The following MVB12B variants were observed in gnomAD, a reference collection of about 807,000 sequenced individuals.
The protein encoded by MVB12B is multivesicular body subunit 12B.
Under a neutral mutation model 41.6 loss-of-function variants are expected in MVB12B, and 16 were observed. That is an observed-to-expected ratio of 0.38 (90% CI 0.26 to 0.58). The LOEUF (loss-of-function observed/expected upper bound fraction) is 0.58. Among genes scored for constraint, MVB12B ranks in the 20% least tolerant of loss-of-function variants. The probability of loss-of-function intolerance (pLI) is 0.62; values close to 1 mark genes in which losing one functional copy is unlikely to be tolerated. For missense variants in MVB12B, 274 were observed against 380.2 expected, an observed-to-expected ratio of 0.72 and a Z score of 2.32; for synonymous variants, 133 against 139.7, an observed-to-expected ratio of 0.95 and a Z score of 0.34.
At chr9:126,339,253 T>C (rs4529551) in intron 1 of MVB12B, among the ~76,000 whole-genome samples, 97,494 of 152,150 alleles carry the variant, frequency 0.64, 31,830 homozygotes, top group African/African-American at 0.74. Context: ...CTGCCTTTTC[T>C]GATTCTAGGC....
At chr9:126,432,755 T>A (rs1832362489) in intron 7 of MVB12B, among the ~76,000 whole-genome samples, 1 of 152,210 alleles carries the variant, frequency 6.6e-6, no homozygotes, top group Non-Finnish European at 1.5e-5. Flanking sequence ...TCTCTTTGAC[T>A]GCAGACATTG....
chr9:126,420,908 T>G (rs1339100860), intron 6 of MVB12B, among the ~76,000 whole-genome samples: 1 of 152,140 alleles, frequency 6.6e-6, no homozygotes. Flanking sequence ...AAAAGGCACC[T>G]AGTAATTGAC....
rs34798291 is a variant in MVB12B, at chr9:126,435,658, C to CAA, written c.757+13726_757+13727dup. 8.7e-3 allele frequency among the ~76,000 whole-genome samples: 1,082 copies of CAA among 125,024 alleles called. 17 individuals carry two copies. The highest frequency in any genetic ancestry group is 0.029 in the African/African-American group (964 of 33,288). The allele number at this position is 125,024 out of a possible 152,430, so 82.0% of individuals were successfully genotyped here. A position where few individuals can be genotyped will look rare whatever the true frequency, so the allele number is the denominator to read the frequency against. Reference sequence around the variant, plus strand: ...CCCTCCCAGAACCTCTTATTTTAGCCAAAAAAAAAAAAAAAAAGTTTCTTT... The same window carrying CAA: ...CCCTCCCAGAACCTCTTATTTTAGCCAAAAAAAAAAAAAAAAAAAGTTTCTTT... On this transcript the variant is annotated intron_variant, in intron 7 of 9. Coordinates refer to ENST00000361171, the MANE Select transcript of MVB12B (RefSeq NM_033446.3).
intron 7 of MVB12B, among the ~76,000 whole-genome samples, chr9:126,432,970 G>A (rs932965831): frequency 6.6e-6 from 1 of 152,118 alleles, no homozygotes; most frequent in African/African-American, 2.4e-5. Flanking sequence ...ATCAGAGTGA[G>A]GCCTTTGACA....
intron 7 of MVB12B, among the ~76,000 whole-genome samples, chr9:126,449,224 C>T (rs916866195): frequency 3.9e-5 from 6 of 152,178 alleles, no homozygotes; most frequent in African/African-American, 1.2e-4. Context: ...GCACACGGGG[C>T]CCCCACACAC....
At chr9:126,359,547 TTAAA>T (rs1200374040) in intron 2 of MVB12B, among the ~76,000 whole-genome samples, 6 of 152,192 alleles carry the variant, frequency 3.9e-5, no homozygotes, top group African/African-American at 1.4e-4. Flanking sequence ...GGGAAGGTTT[TTAAA>T]CAACAGTTCA....
intron 9 of MVB12B, among the ~76,000 whole-genome samples, chr9:126,501,643 G>A (rs1833961125): frequency 6.6e-6 from 1 of 152,252 alleles, no homozygotes; most frequent in Admixed American, 6.5e-5. Flanking sequence ...GTGGTGCTGG[G>A]CTGTGACTTG....
chr9:126,475,741 C>A (rs1292149850), intron 7 of MVB12B, among the ~76,000 whole-genome samples: 1 of 152,158 alleles, frequency 6.6e-6, no homozygotes. Flanking sequence ...GTTTTCTAGG[C>A]CATGTGTGGT....
At chr9:126,497,697 C>T (rs1002224066) in intron 9 of MVB12B, among the ~76,000 whole-genome samples, 1 of 152,218 alleles carries the variant, frequency 6.6e-6, no homozygotes, top group Non-Finnish European at 1.5e-5. Flanking sequence ...TCGTGAACAG[C>T]CTTCCTCCTA....
At chr9:126,479,925 T>C (rs1833492779) in intron 7 of MVB12B, among the ~76,000 whole-genome samples, 1 of 152,198 alleles carries the variant, frequency 6.6e-6, no homozygotes, top group African/African-American at 2.4e-5. Context: ...GTTCCAGGTT[T>C]TTTCTTCTCT....
intron 6 of MVB12B, among the ~76,000 whole-genome samples, chr9:126,404,376 G>A (rs1409725737): frequency 2.0e-5 from 3 of 152,218 alleles, no homozygotes; most frequent in Non-Finnish European, 2.9e-5. Flanking sequence ...GTTAGCAAGT[G>A]TCAGGGCTAG....
intron 7 of MVB12B, among the ~76,000 whole-genome samples, chr9:126,469,564 T>C (rs1034833200): frequency 6.6e-6 from 1 of 152,240 alleles, no homozygotes; most frequent in Non-Finnish European, 1.5e-5. Context: ...TCACAGGCCA[T>C]GCCTGTCAGG....
intron 7 of MVB12B, among the ~76,000 whole-genome samples, chr9:126,435,585 T>G (rs568924512): frequency 4.6e-5 from 7 of 152,212 alleles, no homozygotes; most frequent in Middle Eastern, 3.4e-3. Context: ...CTTCTTTGCC[T>G]TTCTTTTTCT....
In MVB12B at chr9:126,473,763, C is replaced by G. The variant is rs1242068303; in HGVS notation, c.758-7606C>G. The stretch of plus-strand genomic sequence containing the variant: ...TCAGTCATCTCCCGCCGGGCCCCCT[C>G]CAATACCGGGGATTACAATTGAACA... On this transcript the variant is annotated intron_variant, in intron 7 of 9. Coordinates refer to ENST00000361171, the MANE Select transcript of MVB12B (RefSeq NM_033446.3). This position sits in a 1 kb window ranked among gnomAD's most constrained non-coding sequence, Gnocchi z 4.0. Among the ~76,000 whole-genome samples the G allele has an allele frequency of 6.6e-6, 1 of 152,242 alleles. No individual in the cohort carries two copies. The highest frequency in any genetic ancestry group is 1.5e-5 in the Non-Finnish European group (1 of 68,050).
intron 7 of MVB12B, among the ~76,000 whole-genome samples, chr9:126,428,076 G>A (rs1178904405): frequency 3.3e-5 from 5 of 152,078 alleles, no homozygotes; most frequent in East Asian, 1.9e-4. Context: ...GAAAGATGTC[G>A]GTGTGGTCAA....
In MVB12B at chr9:126,500,057, A is replaced by G. The variant is rs919006724; in HGVS notation, c.874-3120A>G. Among the ~76,000 whole-genome samples the G allele has an allele frequency of 2.6e-5, 4 of 152,116 alleles. No homozygotes were observed. The South Asian group carries it at 8.3e-4, about 32-fold the overall frequency. ...TCCTGCTCCCCCGCTCACCATCCAG[A>G]AAGCTCCCGCTAGGCCCGGGCCTAG... On this transcript the variant is annotated intron_variant, in intron 9 of 9. Coordinates refer to ENST00000361171, the MANE Select transcript of MVB12B (RefSeq NM_033446.3).
intron 7 of MVB12B, among the ~76,000 whole-genome samples, chr9:126,460,750 G>A (rs1833072016): frequency 6.6e-6 from 1 of 152,130 alleles, no homozygotes; most frequent in Admixed American, 6.5e-5. Context: ...CAGATGGAAT[G>A]AGAAGACTCC....
At chr9:126,335,066 A>G (rs558252589) in intron 1 of MVB12B, 113 of 166,758 alleles carry the variant, frequency 6.8e-4, no homozygotes, top group Non-Finnish European at 1.2e-3. Context: ...GGGGAAAGGA[A>G]GTGCTCACAA....
At chr9:126,351,864 T>C (rs889728709) in intron 2 of MVB12B, among the ~76,000 whole-genome samples, 8 of 152,202 alleles carry the variant, frequency 5.3e-5, no homozygotes, top group Non-Finnish European at 7.3e-5. Context: ...AGGGAGTTCC[T>C]TTCCATTCCT....
Sources: gnomAD v4.1 joint callset for allele counts (sites outside exome capture counted in the v4.1 genomes callset) on GRCh38, gnomAD v4.1.1 for gene constraint, Gnocchi (gnomAD v3.1) non-coding constraint, MANE v1.5 for transcripts, NCBI Gene and HGNC (gene_info 2026-07-23, HGNC 2026-07-21) for gene names.